Variants in NRXN3 observed in about 807,000 individuals in gnomAD.
NRXN3 encodes neurexin III.
In NRXN3, 32 loss-of-function variants were observed where a neutral mutation model predicts 137.6. The observed-to-expected ratio is 0.23, with a 90% confidence interval of 0.18 to 0.31. The LOEUF (loss-of-function observed/expected upper bound fraction) is 0.31. NRXN3 is among the 10% of genes least tolerant of loss of function. NRXN3 has a pLI of 1.00. For missense variants in NRXN3, 1,574 were observed against 2,062.5 expected, an observed-to-expected ratio of 0.76 and a Z score of 4.59; for synonymous variants, 798 against 784.5, an observed-to-expected ratio of 1.02 and a Z score of -0.29.
At chr14:78,595,811 A>G (rs2097153417) in intron 4 of NRXN3, among the ~76,000 whole-genome samples, 1 of 152,162 alleles carries the variant, frequency 6.6e-6, no homozygotes. Context: ...ATCTCCATTG[A>G]GGATGAATAA....
chr14:78,236,100 G>A (rs1051078371), intron 1 of NRXN3, among the ~76,000 whole-genome samples: 13 of 152,158 alleles, frequency 8.5e-5, no homozygotes, highest in African/African-American at 2.7e-4. Flanking sequence ...ATATGTATCA[G>A]GAAGTGCATT....
At chr14:79,846,204 G>A (rs933890068) in intron 20 of NRXN3, among the ~76,000 whole-genome samples, 1 of 152,186 alleles carries the variant, frequency 6.6e-6, no homozygotes, top group African/African-American at 2.4e-5. Flanking sequence ...CGAGTTGCCA[G>A]AAACGTTCAA....
chr14:78,371,742 C>T (rs1402380578), intron 4 of NRXN3, among the ~76,000 whole-genome samples: 6 of 152,222 alleles, frequency 3.9e-5, no homozygotes, highest in African/African-American at 7.2e-5. Flanking sequence ...CCTGCTGTAG[C>T]GAAGTGGCGA....
intron 19 of NRXN3, among the ~76,000 whole-genome samples, chr14:79,801,957 G>A (rs991382689): frequency 1.3e-4 from 19 of 151,624 alleles, no homozygotes; most frequent in African/African-American, 4.1e-4. Context: ...AAACCACAGG[G>A]GAGAGAAACT....
chr14:79,683,309 G>A (rs2154016269), intron 17 of NRXN3, among the ~76,000 whole-genome samples: 1 of 152,204 alleles, frequency 6.6e-6, no homozygotes, highest in South Asian at 2.1e-4. Flanking sequence ...ATATGGTGAT[G>A]GCTGAGAACT....
chr14:79,365,081 T>G (rs926599632), intron 15 of NRXN3, among the ~76,000 whole-genome samples: 1 of 152,170 alleles, frequency 6.6e-6, no homozygotes, highest in African/African-American at 2.4e-5. Context: ...GAATAGTTAT[T>G]ATATAAAAAG....
At chr14:79,837,885 G>C (rs2099347573) in intron 20 of NRXN3, among the ~76,000 whole-genome samples, 1 of 152,076 alleles carries the variant, frequency 6.6e-6, no homozygotes, top group Non-Finnish European at 1.5e-5. Context: ...GTACCCGTTA[G>C]CCAGTTCCAC....
chr14:78,497,263 A>G (rs2095800255), intron 4 of NRXN3, among the ~76,000 whole-genome samples: 1 of 152,166 alleles, frequency 6.6e-6, no homozygotes, highest in African/African-American at 2.4e-5. Context: ...TAACTTTGTC[A>G]TTATTTCAAG....
Position 78,778,754 on chromosome 14 carries a change from CTTTCTCTTTCTTTCTT to C in NRXN3, c.2045-24864_2045-24849del, listed in dbSNP as rs1381791892. Among the ~76,000 whole-genome samples, 54 of 105,250 alleles carry C rather than the reference CTTTCTCTTTCTTTCTT, an allele frequency of 5.1e-4. 1 individual carries two copies. The highest frequency in any genetic ancestry group is 1.9e-3 in the South Asian group (6 of 3,230). The allele number at this position is 105,250 out of a possible 152,430, so 69.0% of individuals were successfully genotyped here. ...TCTCTCTCTCTTTCTTTCTTTCCTT[CTTTCTCTTTCTTTCTT>C]TCTTTCTTTCTTTCTTTCTTTCTTT... On this transcript the variant is annotated intron_variant, in intron 8 of 20. Coordinates refer to ENST00000335750, the MANE Select transcript of NRXN3 (RefSeq NM_001330195.2).
intron 4 of NRXN3, among the ~76,000 whole-genome samples, chr14:78,434,669 TG>T (rs1264230037): frequency 6.6e-6 from 1 of 152,158 alleles, no homozygotes; most frequent in Admixed American, 6.5e-5. Context: ...CTTGTCACCC[TG>T]CCTCTGAGTC....
chr14:79,400,027 T>G (rs977148354), intron 15 of NRXN3, among the ~76,000 whole-genome samples: 5 of 152,244 alleles, frequency 3.3e-5, no homozygotes, highest in African/African-American at 1.2e-4. Flanking sequence ...CACCTGTGTG[T>G]GCTCCTGTCT....
At chr14:79,352,397 G>A (rs2093254043) in intron 15 of NRXN3, among the ~76,000 whole-genome samples, 1 of 152,094 alleles carries the variant, frequency 6.6e-6, no homozygotes, top group African/African-American at 2.4e-5. Flanking sequence ...TTAGGATAAA[G>A]CTTATAGAAT....
intron 1 of NRXN3, among the ~76,000 whole-genome samples, chr14:78,234,388 A>C (rs923932735): frequency 1.3e-5 from 2 of 152,220 alleles, no homozygotes; most frequent in African/African-American, 4.8e-5. Flanking sequence ...TTTCACTTGT[A>C]CTAAGTGCCT....
chr14:78,567,270 A>G (rs2096844785), intron 4 of NRXN3, among the ~76,000 whole-genome samples: 1 of 152,244 alleles, frequency 6.6e-6, no homozygotes, highest in Admixed American at 6.5e-5. Context: ...AATATTGCCC[A>G]TTAATGGGCA....
At chr14:78,279,816 C>G (rs1174306438) in intron 3 of NRXN3, 1 of 152,128 alleles carries the variant, frequency 6.6e-6, no homozygotes, top group African/African-American at 2.4e-5. Context: ...TTATTAGCAG[C>G]CTTCTTTCCA....
At chr14:79,448,286 G>C (rs565250795) in intron 15 of NRXN3, among the ~76,000 whole-genome samples, 60 of 152,250 alleles carry the variant, frequency 3.9e-4, no homozygotes, top group African/African-American at 1.1e-3. Flanking sequence ...TGTCCCCTCA[G>C]AGGGGCCTGC....
chr14:79,648,147 A>G lies in NRXN3; in HGVS notation c.3445-15631A>G, dbSNP rs535544543. Among the ~76,000 whole-genome samples the G allele has an allele frequency of 1.5e-5, 2 of 134,996 alleles. 1 individual carries two copies. Among genetic ancestry groups the G allele is most frequent in the Non-Finnish European group, 3.4e-5 (2 of 58,104 alleles). The allele number at this position is 134,996 out of a possible 152,430, so 88.6% of individuals were successfully genotyped here. A position where few individuals can be genotyped will look rare whatever the true frequency, so the allele number is the denominator to read the frequency against. ...TCAGAGAGGTTGCTACTTATATGGT[A>G]GCAAAAGTATTTCCCTTCCCTACTT... On this transcript the variant is annotated intron_variant, in intron 16 of 20. Transcript: ENST00000335750.
At chr14:78,528,557 G>A (rs199960231) in intron 4 of NRXN3, among the ~76,000 whole-genome samples, 1 of 152,120 alleles carries the variant, frequency 6.6e-6, no homozygotes, top group East Asian at 1.9e-4. Flanking sequence ...AGCCAAGCAT[G>A]TATAATTTCT....
chr14:78,705,129 C>T (rs527539892), intron 6 of NRXN3, among the ~76,000 whole-genome samples: 1 of 152,290 alleles, frequency 6.6e-6, no homozygotes, highest in South Asian at 2.1e-4. Flanking sequence ...GTGACATCTT[C>T]CCCCATGGGG....
Sources: allele counts gnomAD v4.1 joint callset (sites outside exome capture counted in the v4.1 genomes callset), GRCh38; gene constraint gnomAD v4.1.1; transcripts MANE v1.5; gene names NCBI Gene and HGNC (gene_info 2026-07-23, HGNC 2026-07-21).